The following PLEKHF2 variants were observed in gnomAD, a reference collection of about 807,000 sequenced individuals.
PLEKHF2 encodes the protein pleckstrin homology and FYVE domain containing 2.
In PLEKHF2, 4 loss-of-function variants were observed where a neutral mutation model predicts 14.7. The ratio of observed to expected loss-of-function variants is 0.27; its 90% CI spans 0.13 to 0.62. The LOEUF (loss-of-function observed/expected upper bound fraction) is 0.62, where lower values mean the gene tolerates loss of function less well. Ranked by LOEUF, PLEKHF2 falls within the 20% of genes least tolerant of loss-of-function variation. The probability of loss-of-function intolerance (pLI) is 0.85; values close to 1 mark genes in which losing one functional copy is unlikely to be tolerated. For missense variants in PLEKHF2, 201 were observed against 307.7 expected (o/e 0.65, Z 2.60); for synonymous variants, 90 against 103.5 (o/e 0.87, Z 0.79).
At chr8:95,143,636 C>G (rs1199853953) in intron 1 of PLEKHF2, among the ~76,000 whole-genome samples, 1 of 152,112 alleles carries the variant, frequency 6.6e-6, no homozygotes, top group East Asian at 1.9e-4. Context: ...GGAGGGAGGA[C>G]ATGCCGAGCT....
At chr8:95,135,786 C>A (rs1341380731) in intron 1 of PLEKHF2, among the ~76,000 whole-genome samples, 2 of 152,098 alleles carry the variant, frequency 1.3e-5, no homozygotes, top group Non-Finnish European at 2.9e-5. Context: ...TTTCATTTTT[C>A]CTGTAGCATA....
chr8:95,151,100 A>C (rs1249281437), intron 1 of PLEKHF2, among the ~76,000 whole-genome samples: 2 of 152,098 alleles, frequency 1.3e-5, no homozygotes, highest in Admixed American at 6.6e-5. Context: ...TTGTGCCTTA[A>C]TTTCTTCATC....
chr8:95,147,485 A>G (rs1407115826), intron 1 of PLEKHF2, among the ~76,000 whole-genome samples: 3 of 152,048 alleles, frequency 2.0e-5, no homozygotes, highest in African/African-American at 7.2e-5. Context: ...TACTTATTTT[A>G]AAAAGCAAAA....
In PLEKHF2 at chr8:95,143,658, A is replaced by G. The variant is rs920354706; in HGVS notation, c.-15+9628A>G. Among the ~76,000 whole-genome samples the G allele has an allele frequency of 7.2e-5, 11 of 152,330 alleles. 2 individuals carry two copies. The highest frequency in any genetic ancestry group is 1.9e-4 in the East Asian group (1 of 5,182). ...GGACATGCCGAGCTTAGAGGTAGGG[A>G]AAGAAGCCCAGAGCATATTCTGGTA... is the stretch of plus-strand genomic sequence containing the variant. On this transcript the variant is annotated intron_variant, in intron 1 of 1. Coordinates refer to ENST00000315367, the MANE Select transcript of PLEKHF2 (RefSeq NM_024613.4).
At chr8:95,135,728 G>A (rs1364624478) in intron 1 of PLEKHF2, among the ~76,000 whole-genome samples, 1 of 152,172 alleles carries the variant, frequency 6.6e-6, no homozygotes, top group African/African-American at 2.4e-5. Context: ...TTTCACAAAT[G>A]TAGCAGCCAA....
chr8:95,142,262 A>AT (rs1033682930), intron 1 of PLEKHF2, among the ~76,000 whole-genome samples: 2 of 151,822 alleles, frequency 1.3e-5, no homozygotes, highest in Non-Finnish European at 2.9e-5. Context: ...TAATTAATTA[A>AT]TTTTTTTCTT....
At chr8:95,149,057 C>T (rs1278481817) in intron 1 of PLEKHF2, among the ~76,000 whole-genome samples, 2 of 152,030 alleles carry the variant, frequency 1.3e-5, no homozygotes, top group Admixed American at 6.6e-5. Flanking sequence ...ATGTGTAACA[C>T]ACTCATAGAT....
At chr8:95,149,798 A>T (rs1810537919) in intron 1 of PLEKHF2, among the ~76,000 whole-genome samples, 2 of 152,200 alleles carry the variant, frequency 1.3e-5, no homozygotes, top group South Asian at 4.1e-4. Context: ...AGAAAAGTAG[A>T]CATTAATCAA....
intron 1 of PLEKHF2, among the ~76,000 whole-genome samples, chr8:95,145,110 A>G (rs1485546935): frequency 1.3e-5 from 2 of 152,164 alleles, no homozygotes; most frequent in Non-Finnish European, 2.9e-5. Context: ...TCTACTTTTC[A>G]GTAATAGGCA....
At chr8:95,152,491 ATTTCT>A (rs1228130483) in intron 1 of PLEKHF2, among the ~76,000 whole-genome samples, 1 of 152,036 alleles carries the variant, frequency 6.6e-6, no homozygotes, top group Non-Finnish European at 1.5e-5. Flanking sequence ...GTTTAATATA[ATTTCT>A]TTAATTATGA....
rs1443726866 is a variant in PLEKHF2, at chr8:95,155,267, C to CAT, written c.*477_*478dup. 2 of 177,088 alleles carry CAT rather than the reference C, an allele frequency of 1.1e-5. No homozygotes were observed. Among genetic ancestry groups the CAT allele is most frequent in the African/African-American group, 4.8e-5 (2 of 41,510 alleles). The allele number at this position is 177,088 out of a possible 1,614,324, so 11.0% of individuals were successfully genotyped here. Reference sequence around the variant, plus strand: ...TGATTTGGAAATACTTTGGCTTTTTCATATACCTAGTGGTGCCTTATCATA... The same window carrying CAT: ...TGATTTGGAAATACTTTGGCTTTTTCATATATACCTAGTGGTGCCTTATCATA... On this transcript the variant is annotated 3_prime_UTR_variant, in exon 2 of 2. Coordinates refer to ENST00000315367, the MANE Select transcript of PLEKHF2 (RefSeq NM_024613.4).
chr8:95,138,361 C>CT (rs986711997), intron 1 of PLEKHF2, among the ~76,000 whole-genome samples: 1 of 87,440 alleles, frequency 1.1e-5, no homozygotes, highest in Admixed American at 1.6e-4. Context: ...CTTCCCCCCC[C>CT]CCCCGCCCCT....
intron 1 of PLEKHF2, among the ~76,000 whole-genome samples, chr8:95,145,450 T>C (rs551005241): frequency 1.3e-5 from 2 of 152,094 alleles, no homozygotes; most frequent in South Asian, 4.2e-4. Context: ...CTTTTTTTTT[T>C]TTTCTTTGAG....
At chr8:95,141,289 A>G (rs1419545715) in intron 1 of PLEKHF2, among the ~76,000 whole-genome samples, 5 of 152,156 alleles carry the variant, frequency 3.3e-5, no homozygotes, top group African/African-American at 1.2e-4. Flanking sequence ...ACTCTTCATC[A>G]ACTTTCCCCT....
intron 1 of PLEKHF2, among the ~76,000 whole-genome samples, chr8:95,134,556 C>T (rs1413296909): frequency 3.9e-5 from 6 of 152,220 alleles, no homozygotes; most frequent in African/African-American, 1.4e-4. Flanking sequence ...ACGAAAATGG[C>T]CCCGCAGAAC....
At chr8:95,147,610 A>G (rs1184827021) in intron 1 of PLEKHF2, among the ~76,000 whole-genome samples, 2 of 152,064 alleles carry the variant, frequency 1.3e-5, no homozygotes, top group Non-Finnish European at 1.5e-5. Flanking sequence ...GCATTTTGCT[A>G]TTTCATTTTC....
intron 1 of PLEKHF2, among the ~76,000 whole-genome samples, chr8:95,143,408 T>C (rs1489470150): frequency 6.6e-6 from 1 of 152,146 alleles, no homozygotes; most frequent in Non-Finnish European, 1.5e-5. Flanking sequence ...CTGGAAATAA[T>C]CTTTTTTTAA....
intron 1 of PLEKHF2, among the ~76,000 whole-genome samples, chr8:95,136,021 C>T (rs76973927): frequency 0.079 from 12,099 of 152,198 alleles, 657 homozygotes; most frequent in African/African-American, 0.14. Flanking sequence ...TTGCCCTCTC[C>T]AGAAATCAAT....
intron 1 of PLEKHF2, among the ~76,000 whole-genome samples, chr8:95,136,333 TACACACACACACACAC>T (rs34457137): frequency 8.1e-5 from 10 of 123,934 alleles, no homozygotes; most frequent in Non-Finnish European, 1.3e-4. Context: ...TTATTATATA[TACACACACACACACAC>T]ACACACACAC....
Sources: allele counts gnomAD v4.1 joint callset (sites outside exome capture counted in the v4.1 genomes callset), GRCh38; gene constraint gnomAD v4.1.1; transcripts MANE v1.5; gene names NCBI Gene and HGNC (gene_info 2026-07-23, HGNC 2026-07-21).